The following CASK variants were observed in gnomAD, a reference collection of about 807,000 sequenced individuals.
The protein encoded by CASK is peripheral plasma membrane protein CASK.
A neutral mutation model predicts 82.9 loss-of-function variants in CASK; 4 were observed. The observed-to-expected ratio is 0.05, with a 90% CI of 0.02 to 0.11. The LOEUF (loss-of-function observed/expected upper bound fraction) is 0.11, where lower values mean the gene tolerates loss of function less well. CASK is among the 10% of genes least tolerant of loss of function. CASK has a pLI of 1.00. For missense variants in CASK, 358 were observed against 720.9 expected (o/e 0.50, Z 5.76); for synonymous variants, 259 against 253.5 (o/e 1.02, Z -0.20).
chrX:41,557,299 G>A (rs1383208605), intron 18 of CASK, among the ~76,000 whole-genome samples, 199 bp from the exon 19 acceptor site: 1 of 111,708 alleles, frequency 9.0e-6, no homozygotes, highest in Non-Finnish European at 1.9e-5. Flanking sequence ...TATTTTAAGT[G>A]ATGACTGTGT....
chrX:41,799,809 C>A (rs866708031), intron 2 of CASK, among the ~76,000 whole-genome samples: 1 of 102,649 alleles, frequency 9.7e-6, no homozygotes, highest in Non-Finnish European at 2.0e-5. Flanking sequence ...CCTGTCCCCC[C>A]ACAGCTCTGT....
At chrX:41,911,964 G>C (rs1300854821) in intron 1 of CASK, among the ~76,000 whole-genome samples, 1 of 110,243 alleles carries the variant, frequency 9.1e-6, no homozygotes, top group Non-Finnish European at 1.9e-5. Context: ...CATGTGCCAT[G>C]GTGGTTTGCT....
At chrX:41,843,977 T>C (rs1454505701) in intron 2 of CASK, among the ~76,000 whole-genome samples, 1 of 111,973 alleles carries the variant, frequency 8.9e-6, no homozygotes, top group Non-Finnish European at 1.9e-5. Flanking sequence ...TGAATAATGC[T>C]GCTATGAACA....
intron 2 of CASK, among the ~76,000 whole-genome samples, chrX:41,796,957 A>G (rs2069866916): frequency 9.0e-6 from 1 of 111,411 alleles, no homozygotes; most frequent in East Asian, 2.8e-4. Flanking sequence ...CAGATATTAT[A>G]TTATTCCAAA....
rs148639922 is a variant in CASK, at chrX:41,817,231, A to G, written c.173-29948T>C. 2.4e-3 allele frequency among the ~76,000 whole-genome samples: 273 copies of G among 112,292 alleles called. 5 individuals are homozygous for G. In the East Asian group the frequency reaches 0.07, roughly 29 times the overall value. ...AGAAAGAAACTTCTTCAACCTCAAAAAGGTCATCCACAAAAACCTACAGCT... is the reference window on the plus strand; with the variant it reads ...AGAAAGAAACTTCTTCAACCTCAAAGAGGTCATCCACAAAAACCTACAGCT... On this transcript the variant is annotated intron_variant, in intron 2 of 26. Coordinates refer to ENST00000378163, the MANE Select transcript of CASK (RefSeq NM_001367721.1).
At chrX:41,864,874 C>T (rs1479552369) in intron 1 of CASK, among the ~76,000 whole-genome samples, 1 of 111,692 alleles carries the variant, frequency 9.0e-6, no homozygotes, top group Non-Finnish European at 1.9e-5. Context: ...ACGAAATAAC[C>T]ATTTACACCC....
rs371113548 is a variant in CASK, at chrX:41,894,544, C to T, written c.59+28386G>A. Among the ~76,000 whole-genome samples, 13 of 102,284 alleles carry T rather than the reference C, an allele frequency of 1.3e-4. No homozygotes were observed. The East Asian group carries it at 3.4e-3, about 26-fold the overall frequency. 88.8% of individuals were successfully genotyped at this position (102,284 alleles called of 115,157 possible). Reference sequence around the variant, plus strand: ...GTGAGTAACAGAAATGTAGTCCAGGCTGTCATGGAGCATATAGAAAAAAGA... The same window carrying T: ...GTGAGTAACAGAAATGTAGTCCAGGTTGTCATGGAGCATATAGAAAAAAGA... On this transcript the variant is annotated intron_variant, in intron 1 of 26. Coordinates refer to ENST00000378163, the MANE Select transcript of CASK (RefSeq NM_001367721.1).
At chrX:41,714,037 T>C (rs1439746225) in intron 5 of CASK, among the ~76,000 whole-genome samples, 6 of 111,765 alleles carry the variant, frequency 5.4e-5, no homozygotes, top group African/African-American at 2.0e-4. Flanking sequence ...AAGACAAAGA[T>C]TGACAAAAGG....
At chrX:41,568,159 A>G (rs1441586957) in intron 16 of CASK, among the ~76,000 whole-genome samples, 2 of 109,214 alleles carry the variant, frequency 1.8e-5, no homozygotes, top group Non-Finnish European at 3.8e-5. Context: ...TGATGGGTGC[A>G]GCAAACCAAC....
intron 10 of CASK, among the ~76,000 whole-genome samples, chrX:41,624,933 T>C (rs1242280000): frequency 9.1e-6 from 1 of 110,137 alleles, no homozygotes; most frequent in Non-Finnish European, 1.9e-5. Context: ...AAATCAAAGA[T>C]GACAAATATG....
chrX:41,583,041 AGTGCCTGGCATAGT>A (rs1159851160), intron 14 of CASK, among the ~76,000 whole-genome samples: 1 of 112,104 alleles, frequency 8.9e-6, no homozygotes, highest in East Asian at 2.8e-4. Flanking sequence ...CTAGGTCCTT[AGTGCCTGGCATAGT>A]GTGCCTGGCA....
rs372579550 is a variant in CASK at position 41,559,756 on chromosome X, G to A, written c.1737+23C>T. On this transcript the variant is annotated intron_variant, in intron 18 of 26. Transcript: ENST00000378163. ...TTAGTTAAGAACTCAGAGCAGATGG[G>A]GGTGGTTTGTTAGAGTCATTACCTC... 8 of 1,181,502 alleles carry A rather than the reference G, an allele frequency of 6.8e-6. No homozygotes were observed. The African/African-American group carries it at 1.2e-4, about 18-fold the overall frequency.
chrX:41,573,679 T>C (rs1348560852), intron 15 of CASK, among the ~76,000 whole-genome samples: 1 of 112,059 alleles, frequency 8.9e-6, no homozygotes, highest in Non-Finnish European at 1.9e-5. Context: ...CTCCATATTA[T>C]AGGTCACACT....
chrX:41,651,858 G>A (rs757838521), intron 8 of CASK, among the ~76,000 whole-genome samples: 90 of 111,648 alleles, frequency 8.1e-4, no homozygotes, highest in African/African-American at 2.9e-3. Flanking sequence ...AGTGAACCAA[G>A]AGCCAAAAAT....
chrX:41,915,774 G>A (rs1234076234), intron 1 of CASK, among the ~76,000 whole-genome samples: 1 of 109,550 alleles, frequency 9.1e-6, no homozygotes, highest in Non-Finnish European at 1.9e-5. Flanking sequence ...TGGATCACGA[G>A]GTCAGGAGAT....
chrX:41,622,880 ATTTTTTTT>A (rs970144546), intron 10 of CASK, among the ~76,000 whole-genome samples: 9 of 96,866 alleles, frequency 9.3e-5, no homozygotes, highest in Admixed American at 4.6e-4. Flanking sequence ...TTCAACATTG[ATTTTTTTT>A]TTTTTTTTTT....
intron 21 of CASK, among the ~76,000 whole-genome samples, chrX:41,545,297 G>T (rs1208026308): frequency 8.9e-6 from 1 of 112,423 alleles, no homozygotes; most frequent in Non-Finnish European, 1.9e-5. Flanking sequence ...AAAATGCTGG[G>T]ATTACAGGCG....
intron 6 of CASK, among the ~76,000 whole-genome samples, chrX:41,669,437 T>C (rs1045295402): frequency 1.8e-5 from 2 of 111,523 alleles, no homozygotes; most frequent in African/African-American, 6.5e-5. Context: ...CAACAGGATA[T>C]AGATCCAGAG....
At chrX:41,854,224 G>T (rs5964060) in intron 1 of CASK, among the ~76,000 whole-genome samples, 4 of 81,733 alleles carry the variant, frequency 4.9e-5, no homozygotes, top group Non-Finnish European at 9.3e-5. Flanking sequence ...GCGGGCGCGC[G>T]CACACACACA....
Sources: gnomAD v4.1 joint callset for allele counts (sites outside exome capture counted in the v4.1 genomes callset) on GRCh38, gnomAD v4.1.1 for gene constraint, MANE v1.5 for transcripts, NCBI Gene and HGNC (gene_info 2026-07-23, HGNC 2026-07-21) for gene names.